Variants in CREBBP observed in about 807,000 individuals in gnomAD.
The protein encoded by CREBBP is CREB binding lysine acetyltransferase, also known as CREB-binding protein.
Under a neutral mutation model 265.0 loss-of-function variants are expected in CREBBP, and 19 were observed. The observed-to-expected ratio is 0.07, with a 90% CI of 0.05 to 0.11. The LOEUF (loss-of-function observed/expected upper bound fraction) is 0.11, where lower values mean the gene tolerates loss of function less well. Ranked by LOEUF, CREBBP falls within the 10% of genes least tolerant of loss-of-function variation. CREBBP has a pLI of 1.00. For missense variants in CREBBP, 2,525 were observed against 3,219.0 expected, an observed-to-expected ratio of 0.78 and a Z score of 5.22; for synonymous variants, 1,457 against 1,223.7, an observed-to-expected ratio of 1.19 and a Z score of -3.98.
At chr16:3,869,180 G>A (rs764980323) in intron 1 of CREBBP, among the ~76,000 whole-genome samples, 21 of 152,070 alleles carry the variant, frequency 1.4e-4, no homozygotes, top group Non-Finnish European at 3.1e-4. Flanking sequence ...CTTCAAAACA[G>A]GCTCAGTCCC....
At chr16:3,777,956 G>T in intron 10 of CREBBP, 55 bp downstream of exon 10, 1 of 1,582,708 alleles carries the variant, frequency 6.3e-7, no homozygotes, top group Non-Finnish European at 8.7e-7. Context: ...CCCCAAACAC[G>T]AAGGAAAACC....
intron 19 of CREBBP, among the ~76,000 whole-genome samples, chr16:3,752,138 G>A (rs1180636183): frequency 2.6e-5 from 4 of 152,052 alleles, no homozygotes; most frequent in East Asian, 1.9e-4. Flanking sequence ...CGACAGGCTC[G>A]GTCCGGCTCC....
chr16:3,807,371 G>A (rs943963112), intron 3 of CREBBP, among the ~76,000 whole-genome samples: 3 of 152,060 alleles, frequency 2.0e-5, no homozygotes, highest in Admixed American at 6.5e-5. Context: ...AAATTTAGTT[G>A]GGTACCCCCT....
chr16:3,832,655 T>C (rs953406176), intron 2 of CREBBP, among the ~76,000 whole-genome samples: 4 of 152,156 alleles, frequency 2.6e-5, no homozygotes, highest in Non-Finnish European at 5.9e-5. Context: ...TATCTAAACA[T>C]AGAAAAGGCA....
chr16:3,871,004 A>G (rs1012142953), intron 1 of CREBBP, among the ~76,000 whole-genome samples: 4 of 151,336 alleles, frequency 2.6e-5, no homozygotes, highest in African/African-American at 9.7e-5. Flanking sequence ...AAAGTAATGT[A>G]AAGAAGGGGA....
rs374119348 is a variant in CREBBP at position 3,850,598 on chromosome 16, G to A, written c.497C>T (p.Pro166Leu). 1 of 1,614,258 alleles carries A rather than the reference G, an allele frequency of 6.2e-7. No individual in the cohort carries two copies. The highest frequency in any genetic ancestry group is 8.5e-7 in the Non-Finnish European group (1 of 1,180,056). Residue 166 changes from proline to leucine, a missense_variant, in exon 2 of 31, where the codon CCT becomes CTT. By Grantham distance (98) the Pro-to-Leu change is moderately conservative. This residue lies in a region of CREBBP where 356 missense variants were observed against 340.4 expected (regional missense o/e 1.05). Transcript: ENST00000262367. ...QKQVGLATSS[P>L]ATSQTGPGIC... is the part of the protein sequence containing the mutation. ...ACCAGGTCCAGTCTGTGACGTGGCA[G>A]GGCTGCTAGTCGCCAGCCCCACTTG... is the stretch of plus-strand genomic sequence containing the variant.
chr16:3,866,595 T>A (rs933512532), intron 1 of CREBBP, among the ~76,000 whole-genome samples: 3 of 152,124 alleles, frequency 2.0e-5, no homozygotes, highest in African/African-American at 7.2e-5. Context: ...TTGTTTTGAA[T>A]TTTTTTAACT....
In CREBBP at chr16:3,727,502, C is replaced by A. The variant is rs2051776510; in HGVS notation, c.*216G>T. ...AAAAAAAAGAACCCCCCCCACCCCC[C>A]CGCCAAAAAAAAACCAAAGAGAGAG... On this transcript the variant is annotated 3_prime_UTR_variant, in exon 31 of 31. Coordinates refer to ENST00000262367, the MANE Select transcript of CREBBP (RefSeq NM_004380.3). 7.2e-6 allele frequency: 1 copy of A among 138,432 alleles called. No individual in the cohort carries two copies. Among genetic ancestry groups the A allele is most frequent in the Non-Finnish European group, 1.4e-5 (1 of 70,136 alleles). The allele number at this position is 138,432 out of a possible 1,614,324, so 8.6% of individuals were successfully genotyped here.
At position 3,850,922 on chromosome 16, in the gene CREBBP, T is replaced by G; in HGVS notation, c.173A>C (p.Asn58Thr). ...GGELGLLNSG[N>T]LVPDAASKHK... ...TTTGGAAGCAGCATCTGGAACAAGG[T>G]TCCCACTGTTTAAAAGGCCTAATTC... Residue 58 changes from asparagine to threonine, a missense_variant, in exon 2 of 31, where the codon AAC (asparagine) becomes ACC (threonine). Asn to Thr is a moderately conservative substitution (Grantham distance 65). Coordinates refer to ENST00000262367, the MANE Select transcript of CREBBP (RefSeq NM_004380.3). 6.2e-7 allele frequency: 1 copy of G among 1,614,200 alleles called. No individual in the cohort carries two copies. The highest frequency in any genetic ancestry group is 8.5e-7 in the Non-Finnish European group (1 of 1,180,044).
chr16:3,757,225 G>A (rs761733137), intron 19 of CREBBP, 63 bp downstream of exon 19: 272 of 1,318,478 alleles, frequency 2.1e-4, no homozygotes, highest in Non-Finnish European at 2.8e-4. Context: ...AATGTACACA[G>A]ACTATAACCA....
intron 15 of CREBBP, among the ~76,000 whole-genome samples, chr16:3,768,307 G>T (rs1031761806): frequency 2.0e-5 from 3 of 151,474 alleles, no homozygotes; most frequent in Non-Finnish European, 4.4e-5. Context: ...CACCACACTC[G>T]GCTAATTTTT....
chr16:3,767,096 C>T (rs1460443830), intron 16 of CREBBP, among the ~76,000 whole-genome samples: 4 of 152,174 alleles, frequency 2.6e-5, no homozygotes, highest in Non-Finnish European at 4.4e-5. Flanking sequence ...ACCCTGTTAT[C>T]TCTTTACTGT....
chr16:3,820,353 C>T (rs1405511752), intron 2 of CREBBP, among the ~76,000 whole-genome samples: 1 of 152,194 alleles, frequency 6.6e-6, no homozygotes, highest in African/African-American at 2.4e-5. Flanking sequence ...GTGCCACAGA[C>T]AGCACTTGGC....
intron 2 of CREBBP, among the ~76,000 whole-genome samples, chr16:3,834,050 A>G (rs2054395014): frequency 6.6e-6 from 1 of 152,262 alleles, no homozygotes; most frequent in Non-Finnish European, 1.5e-5. Flanking sequence ...ACAGAAATGC[A>G]AATGACAACA....
intron 3 of CREBBP, among the ~76,000 whole-genome samples, chr16:3,795,125 T>C (rs2053582238): frequency 6.6e-6 from 1 of 152,120 alleles, no homozygotes; most frequent in Non-Finnish European, 1.5e-5. Context: ...CTCTTGGAAG[T>C]CTGAGAAGGA....
Position 3,740,536 on chromosome 16 carries a change from T to C in CREBBP, c.3996A>G (p.Thr1332=), listed in dbSNP as rs1417655858. Residue 1332 remains threonine, a synonymous_variant, in exon 24 of 31, where the codon ACA becomes ACG. Coordinates refer to ENST00000262367, the MANE Select transcript of CREBBP (RefSeq NM_004380.3). Reference sequence around the variant, plus strand: ...GGTCTTCCAAGTGGTTTCCCAGTCTTGTGGTCTGCAGCCCTAGGAAGTCCA... The same window carrying C: ...GGTCTTCCAAGTGGTTTCCCAGTCTCGTGGTCTGCAGCCCTAGGAAGTCCA... ...NKFSAKRLQT[T]RLGNHLEDRV... 1.9e-6 allele frequency: 3 copies of C among 1,614,174 alleles called. No individual in the cohort carries two copies. Among genetic ancestry groups the C allele is most frequent in the East Asian group, 4.5e-5 (2 of 44,890 alleles).
In CREBBP at chr16:3,774,705, C is replaced by A; in HGVS notation, c.2159-12G>T. 3.1e-6 allele frequency: 5 copies of A among 1,614,106 alleles called. No individual in the cohort carries two copies. Among genetic ancestry groups the A allele is most frequent in the Non-Finnish European group, 4.2e-6 (5 of 1,179,996 alleles). ...AAATGAATTCATCCCTGTAAATGTA[C>A]CCACAACGGTTCATTAGGAAAAGCA... On this transcript the variant is annotated splice_polypyrimidine_tract_variant and intron_variant, in intron 11 of 30. Transcript: ENST00000262367.
rs1306729685 is a variant in CREBBP, at chr16:3,728,559, C to G, written c.6488G>C (p.Gly2163Ala). 1 of 1,614,006 alleles carries G rather than the reference C, an allele frequency of 6.2e-7. No individual in the cohort carries two copies. The highest frequency in any genetic ancestry group is 2.2e-5 in the East Asian group (1 of 44,870). ...CAAGGCCTGGCCCTGGGGGTTCAGG[C>G]CTCCCATCGCCTGCTGCTGTGGAGG... Reference protein sequence around the residue: ...GVPPQQQAMGGLNPQGQALNI... With the variant: ...GVPPQQQAMGALNPQGQALNI... Residue 2163 changes from glycine (G) to alanine (A), a missense_variant, in exon 31 of 31, where the codon GGC (glycine) becomes GCC (alanine). Gly to Ala is a moderately conservative substitution (Grantham distance 60). Coordinates refer to ENST00000262367, the MANE Select transcript of CREBBP (RefSeq NM_004380.3). The surrounding 1 kb of genome is among the most constrained non-coding windows in gnomAD (Gnocchi z 8.7).
chr16:3,771,880 G>C (rs927975664), intron 13 of CREBBP, among the ~76,000 whole-genome samples: 1 of 149,654 alleles, frequency 6.7e-6, no homozygotes, highest in African/African-American at 2.5e-5. Context: ...GCATGATCTT[G>C]GCTCACTGCA....
Sources: gnomAD v4.1 joint callset for allele counts (sites outside exome capture counted in the v4.1 genomes callset) on GRCh38, gnomAD v4.1.1 for gene constraint, gnomAD v4.1.1 regional missense constraint, Gnocchi (gnomAD v3.1) non-coding constraint, MANE v1.5 for transcripts, NCBI Gene and HGNC (gene_info 2026-07-23, HGNC 2026-07-21) for gene names.